AGO1: variants seen among roughly 807,000 people sequenced by gnomAD.
AGO1 encodes argonaute RISC component 1.
Under a neutral mutation model 109.2 loss-of-function variants are expected in AGO1, and 11 were observed. That is an observed-to-expected ratio of 0.10 (90% CI 0.06 to 0.17). The LOEUF (loss-of-function observed/expected upper bound fraction) is 0.17. Ranked by LOEUF, AGO1 falls within the 10% of genes least tolerant of loss-of-function variation. The pLI is 1.00. For synonymous variants in AGO1, 422 were observed against 418.6 expected, an observed-to-expected ratio of 1.01 and a Z score of -0.10; for missense variants, 574 against 1,140.3, an observed-to-expected ratio of 0.50 and a Z score of 7.15.
Position 35,902,052 on chromosome 1 carries a change from C to T in AGO1, c.1245C>T (p.Ile415=), listed in dbSNP as rs1161925549. The change falls in exon 10 of 19, where the codon ATC becomes ATT. Residue 415 remains isoleucine (I), a synonymous_variant. Coordinates refer to ENST00000373204, the MANE Select transcript of AGO1 (RefSeq NM_012199.5). ...EVTGRVLPAP[I]LQYGGRNRAI... is the part of the protein sequence containing the mutation. ...CAGGGCGAGTGCTGCCGGCGCCCAT[C>T]TTGCAGTACGGCGGCCGGGTGAGCA... The T allele has an allele frequency of 1.2e-6, 2 of 1,606,962 alleles. No individual in the cohort carries two copies. Among genetic ancestry groups the T allele is most frequent in the Admixed American group, 1.7e-5 (1 of 58,556 alleles).
At chr1:35,917,215 G>A (rs1355882767) in intron 15 of AGO1, among the ~76,000 whole-genome samples, 1 of 152,088 alleles carries the variant, frequency 6.6e-6, no homozygotes, top group Non-Finnish European at 1.5e-5. Context: ...TCTGCTCTTG[G>A]AGCCCAAAGG....
rs772768616 is a variant in AGO1, at chr1:35,919,265, G to A, written c.2465+11G>A. The A allele has an allele frequency of 1.2e-6, 2 of 1,610,572 alleles. No individual in the cohort carries two copies. Among genetic ancestry groups the A allele is most frequent in the Non-Finnish European group, 1.7e-6 (2 of 1,178,466 alleles). On this transcript the variant is annotated intron_variant, in intron 18 of 18. Transcript: ENST00000373204. The surrounding 1 kb of genome is among the most constrained non-coding windows in gnomAD (Gnocchi z 6.6). Reference sequence around the variant, plus strand: ...CAAGGAGCATGACAGGTGAGGCCTGGGATCAGGTTGGCCTCCTTTTTGCTT... The same window carrying A: ...CAAGGAGCATGACAGGTGAGGCCTGAGATCAGGTTGGCCTCCTTTTTGCTT...
At chr1:35,912,360 GAA>G (rs753525049) in intron 12 of AGO1, among the ~76,000 whole-genome samples, 1,673 of 40,492 alleles carry the variant, frequency 0.041, 2 homozygotes, top group African/African-American at 0.052. Context: ...CTCTGTCTCA[GAA>G]AAAAAAAAAA....
chr1:35,885,895 T>C (rs1042152023), intron 1 of AGO1, among the ~76,000 whole-genome samples: 2 of 152,254 alleles, frequency 1.3e-5, no homozygotes, highest in Admixed American at 6.5e-5. Flanking sequence ...ATAAAGTGTA[T>C]ACTCACATGG....
At chr1:35,890,028 C>T (rs1035389347) in intron 2 of AGO1, among the ~76,000 whole-genome samples, 1 of 151,628 alleles carries the variant, frequency 6.6e-6, no homozygotes, top group African/African-American at 2.4e-5. Context: ...TGTTACCATT[C>T]TCTTCTTTTT....
chr1:35,898,913 T>G (rs532641716), intron 8 of AGO1, among the ~76,000 whole-genome samples: 1 of 152,334 alleles, frequency 6.6e-6, no homozygotes, highest in African/African-American at 2.4e-5. Context: ...AATGTAAAAT[T>G]TACCATTTTA....
rs1645405710 is a variant in AGO1 at position 35,901,003 on chromosome 1, A to T, written c.1021-471A>T. Among the ~76,000 whole-genome samples the T allele has an allele frequency of 6.9e-6, 1 of 145,250 alleles. No individual in the cohort carries two copies. The highest frequency in any genetic ancestry group is 2.6e-5 in the African/African-American group (1 of 39,010). Reference sequence around the variant, plus strand: ...TTGCCCTTTTTTTTTTTTTTTTGAGACAGGGTCTCACTCTGTCACCCAGGC... The same window carrying T: ...TTGCCCTTTTTTTTTTTTTTTTGAGTCAGGGTCTCACTCTGTCACCCAGGC... On this transcript the variant is annotated intron_variant, in intron 8 of 18. Coordinates refer to ENST00000373204, the MANE Select transcript of AGO1 (RefSeq NM_012199.5). This position sits in a 1 kb window ranked among gnomAD's most constrained non-coding sequence, Gnocchi z 4.8.
rs771782526 is a variant in AGO1, at chr1:35,892,656, A to G, written c.309A>G (p.Ala103=). 2 of 1,614,134 alleles carry G rather than the reference A, an allele frequency of 1.2e-6. No individual in the cohort carries two copies. Among genetic ancestry groups the G allele is most frequent in the African/African-American group, 2.7e-5 (2 of 74,954 alleles). The change falls in exon 3 of 19, where the codon GCA becomes GCG. Residue 103 remains alanine, a synonymous_variant. Coordinates refer to ENST00000373204, the MANE Select transcript of AGO1 (RefSeq NM_012199.5). ...DGKKNIYTVT[A]LPIGNERVDF... is the part of the protein sequence containing the mutation. ...AGAAGAACATTTACACTGTCACAGC[A>G]CTGCCCATTGGCAACGAACGGGTAA...
chr1:35,904,572 A>G (rs942392957), intron 11 of AGO1, among the ~76,000 whole-genome samples: 6 of 152,014 alleles, frequency 3.9e-5, no homozygotes, highest in South Asian at 2.1e-4. Context: ...GGGATGATCT[A>G]TTGTTTTGGC....
At position 35,901,128 on chromosome 1, in the gene AGO1, A is replaced by G. The variant is rs557693622; in HGVS notation, c.1021-346A>G. 8.6e-5 allele frequency among the ~76,000 whole-genome samples: 13 copies of G among 151,534 alleles called. 1 individual carries two copies. The South Asian group carries it at 2.7e-3, about 32-fold the overall frequency. On this transcript the variant is annotated intron_variant, in intron 8 of 18. Transcript: ENST00000373204. This position sits in a 1 kb window ranked among gnomAD's most constrained non-coding sequence, Gnocchi z 4.8. ...CCTGAGTAGCTGGGATTACAGGCGCACGCCACCATGCCTGGCTAATTTTTG... is the reference window on the plus strand; with the variant it reads ...CCTGAGTAGCTGGGATTACAGGCGCGCGCCACCATGCCTGGCTAATTTTTG...
Position 35,927,552 on chromosome 1 carries a change from C to T in AGO1, c.*7945C>T, listed in dbSNP as rs1645954194. 1 of 152,192 alleles carries T rather than the reference C, an allele frequency of 6.6e-6. No individual in the cohort carries two copies. Among genetic ancestry groups the T allele is most frequent in the African/African-American group, 2.4e-5 (1 of 41,442 alleles). 9.4% of individuals were successfully genotyped at this position (152,192 alleles called of 1,614,324 possible). A position where few individuals can be genotyped will look rare whatever the true frequency, so the allele number is the denominator to read the frequency against. ...AAGCAAGGAAGTCTTCCCCTGGAAG[C>T]TCCAACAGATACGGCCTCATGGCTT... is the stretch of plus-strand genomic sequence containing the variant. On this transcript the variant is annotated 3_prime_UTR_variant, in exon 19 of 19. Transcript: ENST00000373204.
At position 35,928,923 on chromosome 1, in the gene AGO1, C is replaced by T. The variant is rs1477092800; in HGVS notation, c.*9316C>T. ...TTTCTGTATTTCTTTCTTCTCAGAACAACCAGTGTCACCAGGTATGAGGGC... is the reference window on the plus strand; with the variant it reads ...TTTCTGTATTTCTTTCTTCTCAGAATAACCAGTGTCACCAGGTATGAGGGC... On this transcript the variant is annotated 3_prime_UTR_variant, in exon 19 of 19. Transcript: ENST00000373204. 1 of 152,362 alleles carries T rather than the reference C, an allele frequency of 6.6e-6. No homozygotes were observed. Among genetic ancestry groups the T allele is most frequent in the South Asian group, 2.1e-4 (1 of 4,830 alleles). 9.4% of individuals were successfully genotyped at this position (152,362 alleles called of 1,614,324 possible). A position where few individuals can be genotyped will look rare whatever the true frequency, so the allele number is the denominator to read the frequency against.
intron 15 of AGO1, among the ~76,000 whole-genome samples, chr1:35,916,328 G>A (rs1645734961): frequency 2.0e-5 from 3 of 152,170 alleles, no homozygotes; most frequent in African/African-American, 7.2e-5. Flanking sequence ...ACATTGGTCT[G>A]ATTCCATAGT....
chr1:35,926,108 CAT>C lies in AGO1; in HGVS notation c.*6503_*6504del, dbSNP rs555724154. ...CAGATTTTGACCAGTTGAAATAAGA[CAT>C]AAATTTATGACTCCGAGTGAGGCAG... On this transcript the variant is annotated 3_prime_UTR_variant, in exon 19 of 19. Coordinates refer to ENST00000373204, the MANE Select transcript of AGO1 (RefSeq NM_012199.5). The C allele has an allele frequency of 4.4e-3, 668 of 152,274 alleles. 6 individuals are homozygous for C. Among genetic ancestry groups the C allele is most frequent in the Non-Finnish European group, 7.2e-3 (491 of 68,032 alleles). The allele number at this position is 152,274 out of a possible 1,614,324, so 9.4% of individuals were successfully genotyped here. A position where few individuals can be genotyped will look rare whatever the true frequency, so the allele number is the denominator to read the frequency against.
chr1:35,901,600 G>C lies in AGO1; in HGVS notation c.1140+7G>C, dbSNP rs1331028691. 8 of 1,613,950 alleles carry C rather than the reference G, an allele frequency of 5.0e-6. No individual in the cohort carries two copies. The highest frequency in any genetic ancestry group is 6.8e-6 in the Non-Finnish European group (8 of 1,180,004). On this transcript the variant is annotated splice_region_variant and intron_variant, in intron 9 of 18. Transcript: ENST00000373204. The surrounding 1 kb of genome is among the most constrained non-coding windows in gnomAD (Gnocchi z 4.8). ...GGAGGAGATCAGTCGCCTGGTCAGT[G>C]GGCCTACTCATTTGCTCAGTCATTG...
At position 35,927,295 on chromosome 1, in the gene AGO1, T is replaced by G. The variant is rs915277531; in HGVS notation, c.*7688T>G. 3.3e-5 allele frequency: 5 copies of G among 152,204 alleles called. No homozygotes were observed. The highest frequency in any genetic ancestry group is 1.2e-4 in the African/African-American group (5 of 41,460). The allele number at this position is 152,204 out of a possible 1,614,324, so 9.4% of individuals were successfully genotyped here. ...TTTTCTTAAATAAGAAAACTATCATTTCATATGACAAGAAATCCTAATTTA... is the reference window on the plus strand; with the variant it reads ...TTTTCTTAAATAAGAAAACTATCATGTCATATGACAAGAAATCCTAATTTA... On this transcript the variant is annotated 3_prime_UTR_variant, in exon 19 of 19. Coordinates refer to ENST00000373204, the MANE Select transcript of AGO1 (RefSeq NM_012199.5).
chr1:35,913,855 T>G lies in AGO1; in HGVS notation c.1596T>G (p.Arg532=). ...CCCTGCCCTTAGCTGAGGTGAAACG[T>G]GTCGGAGATACACTCTTGGGAATGG... The part of the protein sequence containing the change: ...GKTPVYAEVK[R]VGDTLLGMAT... The change falls in exon 13 of 19, where the codon CGT becomes CGG. Residue 532 remains arginine (R), a synonymous_variant. Transcript: ENST00000373204. 6.2e-7 allele frequency: 1 copy of G among 1,613,944 alleles called. No homozygotes were observed. Among genetic ancestry groups the G allele is most frequent in the South Asian group, 1.1e-5 (1 of 91,060 alleles).
Position 35,902,326 on chromosome 1 carries a change from A to G in AGO1, c.1386A>G (p.Glu462=). Reference sequence around the variant, plus strand: ...TCGCACCCCAAAAACAGTGTCGAGAAGAGGTGCTCAAGTAAGGAGGGTTCG... The same window carrying G: ...TCGCACCCCAAAAACAGTGTCGAGAGGAGGTGCTCAAGTAAGGAGGGTTCG... ...ACFAPQKQCR[E]EVLKNFTDQL... Residue 462 remains glutamate, a synonymous_variant, in exon 11 of 19, where the codon GAA becomes GAG. Transcript: ENST00000373204. 1 of 1,614,084 alleles carries G rather than the reference A, an allele frequency of 6.2e-7. No individual in the cohort carries two copies. Among genetic ancestry groups the G allele is most frequent in the South Asian group, 1.1e-5 (1 of 91,046 alleles).
intron 3 of AGO1, 83 bp downstream of exon 3, chr1:35,892,760 A>T: frequency 1.3e-6 from 2 of 1,581,494 alleles, no homozygotes; most frequent in Non-Finnish European, 8.7e-7. Flanking sequence ...AGATCCAGAG[A>T]TCCTTTTCAT....
Sources: gnomAD v4.1 joint callset for allele counts (sites outside exome capture counted in the v4.1 genomes callset) on GRCh38, gnomAD v4.1.1 for gene constraint, Gnocchi (gnomAD v3.1) non-coding constraint, MANE v1.5 for transcripts, NCBI Gene and HGNC (gene_info 2026-07-23, HGNC 2026-07-21) for gene names.